RYR2: variants seen among roughly 807,000 people sequenced by gnomAD.
RYR2 encodes the protein ryanodine receptor 2.
In RYR2, 227 loss-of-function variants were observed where a neutral mutation model predicts 601.1. The observed-to-expected ratio is 0.38, with a 90% CI of 0.34 to 0.42. RYR2 has a LOEUF of 0.42. RYR2 is among the 10% of genes least tolerant of loss of function. The pLI, the probability that RYR2 is intolerant of heterozygous loss-of-function variation, is 1.00. For synonymous variants in RYR2, 2,223 were observed against 2,175.1 expected (o/e 1.02, Z -0.61); for missense variants, 4,646 against 6,156.5 (o/e 0.75, Z 8.21).
At position 237,388,147 on chromosome 1, in the gene RYR2, C is replaced by T. The variant is rs757478498; in HGVS notation, c.737C>T (p.Thr246Ile). The change falls in exon 10 of 105, where the codon ACT becomes ATT. Residue 246 changes from threonine (T) to isoleucine (I), a missense_variant. Physicochemically the swap from Thr to Ile is moderately conservative, Grantham distance 89. Transcript: ENST00000366574. ...CATGGACACATGGACGAGTGTCTCA[C>T]TGTCCCTTCAGGAGAACATGGTGAA... ...LLHGHMDECL[T>I]VPSGEHGEEQ... The T allele has an allele frequency of 2.5e-6, 4 of 1,613,800 alleles. No individual in the cohort carries two copies. The highest frequency in any genetic ancestry group is 1.7e-5 in the Admixed American group (1 of 59,992).
chr1:237,506,811 T>C lies in RYR2; in HGVS notation c.2715T>C (p.Gly905=), dbSNP rs1184889023. The change falls in exon 23 of 105, where the codon GGT becomes GGC. Residue 905 remains glycine, a synonymous_variant. Coordinates refer to ENST00000366574, the MANE Select transcript of RYR2 (RefSeq NM_001035.3). The stretch of plus-strand genomic sequence containing the variant: ...AAATTGAGCTTGGCTGGCAGTATGG[T>C]CCGGTATGTAATTTTGAAATTTATT... ...MNKIELGWQY[G]PVRDDNKRQH... The C allele has an allele frequency of 1.2e-6, 2 of 1,610,940 alleles. No individual in the cohort carries two copies.
chr1:237,798,236 A>T (rs1659510436), intron 97 of RYR2, 66 bp downstream of exon 97: 1 of 1,445,244 alleles, frequency 6.9e-7, no homozygotes, highest in Admixed American at 2.3e-5. Flanking sequence ...ATACATTTTT[A>T]AACTTGTGCA....
At position 237,566,612 on chromosome 1, in the gene RYR2, T is replaced by C; in HGVS notation, c.3260T>C (p.Ile1087Thr). 1 of 1,614,018 alleles carries C rather than the reference T, an allele frequency of 6.2e-7. No homozygotes were observed. The highest frequency in any genetic ancestry group is 8.5e-7 in the Non-Finnish European group (1 of 1,179,886). Residue 1087 changes from isoleucine to threonine, a missense_variant, in exon 28 of 105, where the codon ATC (isoleucine) becomes ACC (threonine). Ile to Thr is a moderately conservative substitution (Grantham distance 89, BLOSUM62 -1). This residue lies in a region of RYR2 where 1,807 missense variants were observed against 2,088.1 expected (regional missense o/e 0.87). Coordinates refer to ENST00000366574, the MANE Select transcript of RYR2 (RefSeq NM_001035.3). The part of the protein sequence containing the change: ...VCSGTGERFR[I>T]FRAEKTYAVK... The stretch of plus-strand genomic sequence containing the variant: ...AGCGGCACCGGGGAAAGGTTCCGAA[T>C]CTTCCGTGCCGAGAAGACCTATGCA...
At chr1:237,690,550 T>C (rs1185735887) in intron 63 of RYR2, among the ~76,000 whole-genome samples, 1 of 152,204 alleles carries the variant, frequency 6.6e-6, no homozygotes, top group Non-Finnish European at 1.5e-5. Flanking sequence ...ACTAAACTAG[T>C]AGACTTAGCC....
chr1:237,199,113 G>A (rs1680895394), intron 1 of RYR2, among the ~76,000 whole-genome samples: 1 of 152,168 alleles, frequency 6.6e-6, no homozygotes, highest in African/African-American at 2.4e-5. Context: ...TATGGTTTTT[G>A]CCTTCAAGGA....
chr1:237,111,739 T>C (rs1047501645), intron 1 of RYR2, among the ~76,000 whole-genome samples: 1 of 152,178 alleles, frequency 6.6e-6, no homozygotes, highest in Non-Finnish European at 1.5e-5. Context: ...TTTTTGCCTA[T>C]CCTGCAAGGG....
chr1:237,670,073 G>A (rs536412936), intron 58 of RYR2, among the ~76,000 whole-genome samples: 7 of 152,262 alleles, frequency 4.6e-5, no homozygotes, highest in Admixed American at 2.6e-4. Flanking sequence ...GATCACTTGC[G>A]GTTAGGGGCT....
At chr1:237,200,400 G>C (rs979795616) in intron 1 of RYR2, among the ~76,000 whole-genome samples, 7 of 152,120 alleles carry the variant, frequency 4.6e-5, no homozygotes, top group African/African-American at 1.7e-4. Flanking sequence ...GAGTAGCTGG[G>C]ATTACAGGCG....
At chr1:237,578,040 C>T (rs748918006) in intron 29 of RYR2, among the ~76,000 whole-genome samples, 1 of 152,098 alleles carries the variant, frequency 6.6e-6, no homozygotes, top group African/African-American at 2.4e-5. Context: ...GAGCTCCTGA[C>T]CTAAGGTGAT....
intron 19 of RYR2, among the ~76,000 whole-genome samples, chr1:237,493,586 G>A (rs1663661656): frequency 6.6e-6 from 1 of 152,070 alleles, no homozygotes; most frequent in Admixed American, 6.5e-5. Flanking sequence ...CCGAGTAGCT[G>A]GGACTACAGG....
At chr1:237,373,115 C>G (rs1700768890) in intron 6 of RYR2, among the ~76,000 whole-genome samples, 1 of 152,076 alleles carries the variant, frequency 6.6e-6, no homozygotes, top group South Asian at 2.1e-4. Flanking sequence ...AAAGTTGTTA[C>G]CTTTTTAAAA....
chr1:237,087,586 C>T (rs1666486140), intron 1 of RYR2, among the ~76,000 whole-genome samples: 1 of 151,998 alleles, frequency 6.6e-6, no homozygotes, highest in Non-Finnish European at 1.5e-5. Flanking sequence ...TCTTTGCAGC[C>T]CACAGAGATG....
intron 1 of RYR2, among the ~76,000 whole-genome samples, chr1:237,150,053 C>A (rs1198899570): frequency 6.6e-6 from 1 of 152,222 alleles, no homozygotes; most frequent in Admixed American, 6.5e-5. Context: ...TTATATATGC[C>A]AGGCACAGTG....
chr1:237,042,939 C>A (rs1036579671), intron 1 of RYR2, among the ~76,000 whole-genome samples: 4 of 152,070 alleles, frequency 2.6e-5, no homozygotes, highest in Non-Finnish European at 5.9e-5. Flanking sequence ...CCCGGGCGGC[C>A]GGGGGCAGGG....
At chr1:237,635,358 T>G (rs985427457) in intron 44 of RYR2, among the ~76,000 whole-genome samples, 2 of 152,204 alleles carry the variant, frequency 1.3e-5, no homozygotes, top group African/African-American at 4.8e-5. Flanking sequence ...TCTTATGTGT[T>G]TTTTTCTTTT....
intron 81 of RYR2, 66 bp downstream of exon 81, chr1:237,756,453 C>A: frequency 9.5e-7 from 1 of 1,050,230 alleles, no homozygotes; most frequent in Non-Finnish European, 1.4e-6. Context: ...TCTCAAGGTC[C>A]TCCCTCATTT....
chr1:237,333,061 A>G (rs186687021), intron 3 of RYR2, among the ~76,000 whole-genome samples: 1 of 152,308 alleles, frequency 6.6e-6, no homozygotes, highest in Non-Finnish European at 1.5e-5. Context: ...AGCTGAATTT[A>G]GTTTTGAATT....
chr1:237,317,295 A>G (rs909498694), intron 2 of RYR2, among the ~76,000 whole-genome samples: 7 of 152,236 alleles, frequency 4.6e-5, no homozygotes, highest in Admixed American at 1.3e-4. Context: ...AGGCACGTCA[A>G]CATGGTCAAA....
intron 104 of RYR2, among the ~76,000 whole-genome samples, chr1:237,832,289 C>T (rs1407716563): frequency 2.0e-5 from 3 of 151,690 alleles, no homozygotes; most frequent in African/African-American, 7.3e-5. Context: ...TGAACTCAAG[C>T]GATCCTCCCA....
Sources: gnomAD v4.1 joint callset for allele counts (sites outside exome capture counted in the v4.1 genomes callset) on GRCh38, gnomAD v4.1.1 for gene constraint, gnomAD v4.1.1 regional missense constraint, MANE v1.5 for transcripts, NCBI Gene and HGNC (gene_info 2026-07-23, HGNC 2026-07-21) for gene names.